The following CIT variants were observed in gnomAD, a reference collection of about 807,000 sequenced individuals.
The protein encoded by CIT is citron rho-interacting serine/threonine kinase, also known as citron Rho-interacting kinase.
In CIT, 79 loss-of-function variants were observed where a neutral mutation model predicts 272.7. The ratio of observed to expected loss-of-function variants is 0.29; its 90% CI spans 0.24 to 0.35. CIT has a LOEUF of 0.35. Among genes scored for constraint, CIT ranks in the 10% least tolerant of loss-of-function variants. CIT has a pLI of 1.00. For missense variants in CIT, 1,909 were observed against 2,618.3 expected, an observed-to-expected ratio of 0.73 and a Z score of 5.91; for synonymous variants, 948 against 995.6, an observed-to-expected ratio of 0.95 and a Z score of 0.90.
intron 8 of CIT, among the ~76,000 whole-genome samples, chr12:119,824,486 T>C (rs900716161): frequency 6.6e-6 from 1 of 152,212 alleles, no homozygotes; most frequent in Non-Finnish European, 1.5e-5. Flanking sequence ...CATAGACTCA[T>C]TGGCAACAGT....
intron 39 of CIT, among the ~76,000 whole-genome samples, chr12:119,709,773 AGAGAGAGAGAGAGAGTGT>A (rs1327186805): frequency 8.9e-5 from 5 of 55,892 alleles, no homozygotes; most frequent in African/African-American, 3.4e-4. Flanking sequence ...AGAGAGAGAG[AGAGAGAGAGAGAGAGTGT>A]GTGTGTGTGT....
At chr12:119,761,387 A>G (rs1188873671) in intron 19 of CIT, among the ~76,000 whole-genome samples, 4 of 152,360 alleles carry the variant, frequency 2.6e-5, no homozygotes, top group Non-Finnish European at 4.4e-5. Flanking sequence ...AGATTGCTCT[A>G]GATCCAGACC....
At chr12:119,857,414 C>T in intron 4 of CIT, 109 bp downstream of exon 4, 1 of 1,111,170 alleles carries the variant, frequency 9.0e-7, no homozygotes, top group South Asian at 1.7e-5. Flanking sequence ...AATATAGAGT[C>T]ACAGAGGAAA....
At chr12:119,825,503 T>C in intron 7 of CIT, 135 bp from the exon 8 acceptor site, 1 of 702,726 alleles carries the variant, frequency 1.4e-6, no homozygotes, top group South Asian at 2.0e-5. Context: ...AGCTGTCAAG[T>C]GGCACACTGT....
chr12:119,865,889 T>C (rs1950500827), intron 3 of CIT, among the ~76,000 whole-genome samples: 1 of 146,368 alleles, frequency 6.8e-6, no homozygotes, highest in Admixed American at 6.9e-5. Flanking sequence ...AAAAAGGATA[T>C]ACATTATTCC....
In CIT at chr12:119,717,838, C is replaced by CTTTTTTTTTTTT. The variant is rs10699099; in HGVS notation, c.4168+395_4168+406dup. 5.3e-4 allele frequency among the ~76,000 whole-genome samples: 43 copies of CTTTTTTTTTTTT among 81,336 alleles called. 6 individuals carry two copies. Among genetic ancestry groups the CTTTTTTTTTTTT allele is most frequent in the African/African-American group, 1.6e-3 (33 of 20,210 alleles). The allele number at this position is 81,336 out of a possible 152,430, so 53.4% of individuals were successfully genotyped here. On this transcript the variant is annotated intron_variant, in intron 32 of 47. Transcript: ENST00000392521. ...GGGGAGCCAGGAGACTGACTTCTTT[C>CTTTTTTTTTTTT]TTTTTTTTTTTTTTTTTTTTGAGAT...
chr12:119,791,321 T>C (rs898945747), intron 10 of CIT, among the ~76,000 whole-genome samples: 1 of 152,154 alleles, frequency 6.6e-6, no homozygotes, highest in African/African-American at 2.4e-5. Context: ...CATTCAGTGC[T>C]AAGAAGCTGA....
chr12:119,832,612 G>A (rs146956759), intron 7 of CIT, among the ~76,000 whole-genome samples, 159 bp downstream of exon 7: 3 of 152,248 alleles, frequency 2.0e-5, no homozygotes, highest in East Asian at 3.9e-4. Flanking sequence ...AAGGTGCCAC[G>A]GTCTGGGAAA....
intron 18 of CIT, among the ~76,000 whole-genome samples, chr12:119,767,866 G>A (rs915182892): frequency 6.7e-6 from 1 of 150,342 alleles, no homozygotes; most frequent in African/African-American, 2.4e-5. Context: ...AATATAAATA[G>A]CCTACATTTA....
At chr12:119,761,166 C>T (rs1961744447) in intron 19 of CIT, 111 bp from the exon 20 acceptor site, 4 of 814,118 alleles carry the variant, frequency 4.9e-6, no homozygotes, top group Non-Finnish European at 8.3e-6. Flanking sequence ...AGGGGAGAGG[C>T]CCGAGGTCTC....
At chr12:119,876,559 T>G (rs1194177443) in intron 1 of CIT, among the ~76,000 whole-genome samples, 2 of 152,190 alleles carry the variant, frequency 1.3e-5, no homozygotes, top group African/African-American at 4.8e-5. Context: ...TGTAAGGTGT[T>G]AAGTGCTATG....
In CIT at chr12:119,694,840, T is replaced by C. The variant is rs1361450924; in HGVS notation, c.5882+2819A>G. Among the ~76,000 whole-genome samples, 1 of 150,210 alleles carries C rather than the reference T, an allele frequency of 6.7e-6. No homozygotes were observed. Among genetic ancestry groups the C allele is most frequent in the African/African-American group, 2.5e-5 (1 of 40,800 alleles). On this transcript the variant is annotated intron_variant, in intron 46 of 47. Transcript: ENST00000392521. This position sits in a 1 kb window ranked among gnomAD's most constrained non-coding sequence, Gnocchi z 4.5. ...TAAATAAATAAAAATAAAAAATAAA[T>C]AAACAAGGAGGGGAAGGGCACTTCC...
intron 19 of CIT, among the ~76,000 whole-genome samples, chr12:119,764,936 A>G (rs1366239748): frequency 6.6e-6 from 1 of 151,966 alleles, no homozygotes; most frequent in Non-Finnish European, 1.5e-5. Context: ...CCTCCCAAGT[A>G]GCTGGGACTA....
chr12:119,782,278 T>C, intron 13 of CIT: 2 of 333,958 alleles, frequency 6.0e-6, no homozygotes, highest in Non-Finnish European at 1.1e-5. Flanking sequence ...TCTTTATTTT[T>C]AAAAGCAGAC....
At position 119,714,086 on chromosome 12, in the gene CIT, G is replaced by A. The variant is rs184584571; in HGVS notation, c.4306+111C>T. On this transcript the variant is annotated intron_variant, in intron 33 of 47. Transcript: ENST00000392521. Reference sequence around the variant, plus strand: ...ATCCTCCTACTGAAGTAAGAAGCTCGAAAATGAATGCACTATATGATGAGT... The same window carrying A: ...ATCCTCCTACTGAAGTAAGAAGCTCAAAAATGAATGCACTATATGATGAGT... 2,427 of 1,285,664 alleles carry A rather than the reference G, an allele frequency of 1.9e-3. 21 individuals are homozygous for A. The highest frequency in any genetic ancestry group is 2.6e-3 in the South Asian group (176 of 67,412). 79.6% of individuals were successfully genotyped at this position (1,285,664 alleles called of 1,614,324 possible).
intron 9 of CIT, among the ~76,000 whole-genome samples, chr12:119,813,189 A>G (rs1315940899): frequency 1.3e-5 from 2 of 152,190 alleles, no homozygotes; most frequent in African/African-American, 4.8e-5. Context: ...CTATCTGGCT[A>G]TCTGTTCTTT....
intron 3 of CIT, among the ~76,000 whole-genome samples, chr12:119,861,094 C>CT (rs1479622304): frequency 1.3e-5 from 2 of 151,544 alleles, no homozygotes; most frequent in South Asian, 4.2e-4. Context: ...GCACTCCAGC[C>CT]TAGGGGATAC....
chr12:119,726,270 G>A (rs1958097437), intron 28 of CIT, among the ~76,000 whole-genome samples: 1 of 151,548 alleles, frequency 6.6e-6, no homozygotes, highest in Non-Finnish European at 1.5e-5. Context: ...CCAGGCTACA[G>A]TGCAGTGGTA....
rs528536432 is a variant in CIT at position 119,854,177 on chromosome 12, C to T, written c.414+3346G>A. ...AAGTAGCTGGGATTACAGGCATGCA[C>T]CACCACACCCGGCTAATTTTTTGTA... On this transcript the variant is annotated intron_variant, in intron 4 of 47. Transcript: ENST00000392521. 7.2e-4 allele frequency among the ~76,000 whole-genome samples: 110 copies of T among 152,152 alleles called. 1 individual carries two copies. The highest frequency in any genetic ancestry group is 2.6e-3 in the African/African-American group (109 of 41,546).
Sources: allele counts gnomAD v4.1 joint callset (sites outside exome capture counted in the v4.1 genomes callset), GRCh38; gene constraint gnomAD v4.1.1; non-coding constraint Gnocchi (gnomAD v3.1); transcripts MANE v1.5; gene names NCBI Gene and HGNC (gene_info 2026-07-23, HGNC 2026-07-21).